CFAP58: variants seen among roughly 807,000 people sequenced by gnomAD.
The protein encoded by CFAP58 is cilia and flagella associated protein 58, also known as cilia- and flagella-associated protein 58.
Under a neutral mutation model 119.5 loss-of-function variants are expected in CFAP58, and 88 were observed. The observed-to-expected ratio is 0.74, with a 90% CI of 0.62 to 0.88. The LOEUF is 0.88. Among genes scored for constraint, CFAP58 ranks in the 40% least tolerant of loss-of-function variants. CFAP58 has a pLI of 0.00. For missense variants in CFAP58, 990 were observed against 1,021.2 expected, an observed-to-expected ratio of 0.97 and a Z score of 0.42; for synonymous variants, 365 against 366.3, an observed-to-expected ratio of 1.00 and a Z score of 0.04.
chr10:104,441,935 G>A (rs567105316), intron 15 of CFAP58, among the ~76,000 whole-genome samples: 1 of 152,208 alleles, frequency 6.6e-6, no homozygotes, highest in East Asian at 1.9e-4. Flanking sequence ...AGGGTATTAG[G>A]CATTATTTTT....
chr10:104,340,031 T>C, the CFAP58 span, among the ~76,000 whole-genome samples: 13 of 152,242 alleles, frequency 8.5e-5, no homozygotes, highest in African/African-American at 2.7e-4. Flanking sequence ...GTCTGCAAAG[T>C]TGTTTCAGCA....
intron 2 of CFAP58, among the ~76,000 whole-genome samples, chr10:104,361,532 T>C (rs553171319): frequency 6.6e-6 from 1 of 152,348 alleles, no homozygotes; most frequent in East Asian, 1.9e-4. Context: ...TGATCATTTC[T>C]CATGTGATAA....
chr10:104,443,076 C>T (rs1472956597), intron 15 of CFAP58, among the ~76,000 whole-genome samples: 1 of 151,938 alleles, frequency 6.6e-6, no homozygotes, highest in Admixed American at 6.6e-5. Context: ...ACAGCAGGTG[C>T]GAGTTATATA....
At chr10:104,360,325 G>A (rs1166064133) in intron 2 of CFAP58, among the ~76,000 whole-genome samples, 1 of 152,152 alleles carries the variant, frequency 6.6e-6, no homozygotes, top group African/African-American at 2.4e-5. Context: ...ATTGGTTCAT[G>A]GTTCTGCAGG....
intron 6 of CFAP58, among the ~76,000 whole-genome samples, chr10:104,370,442 G>A (rs1356086639): frequency 1.3e-5 from 2 of 152,194 alleles, no homozygotes; most frequent in East Asian, 1.9e-4. Flanking sequence ...ATGGCAGCAG[G>A]CAAAGGGAGA....
At chr10:104,398,305 C>T (rs2133040008) in intron 11 of CFAP58, among the ~76,000 whole-genome samples, 1 of 152,272 alleles carries the variant, frequency 6.6e-6, no homozygotes, top group South Asian at 2.1e-4. Flanking sequence ...TGGGTGGTGA[C>T]AATAGAAGGA....
intron 15 of CFAP58, among the ~76,000 whole-genome samples, chr10:104,425,061 G>A (rs552001932): frequency 6.6e-6 from 1 of 152,332 alleles, no homozygotes; most frequent in South Asian, 2.1e-4. Flanking sequence ...GAGAGGAACA[G>A]CACCTGATTC....
At chr10:104,420,777 G>A (rs1217743652) in intron 15 of CFAP58, among the ~76,000 whole-genome samples, 3 of 130,020 alleles carry the variant, frequency 2.3e-5, no homozygotes, top group Non-Finnish European at 3.1e-5. Flanking sequence ...TTTTGAGACA[G>A]CGTCTCACTC....
intron 8 of CFAP58, among the ~76,000 whole-genome samples, chr10:104,378,392 C>T (rs1316295520): frequency 6.6e-6 from 1 of 152,168 alleles, no homozygotes; most frequent in Non-Finnish European, 1.5e-5. Context: ...TACATTGTCA[C>T]CCAACCAACA....
At chr10:104,357,855 A>ATACACATATATGTACACATATG (rs1564875614) in intron 1 of CFAP58, among the ~76,000 whole-genome samples, 2 of 46,726 alleles carry the variant, frequency 4.3e-5, no homozygotes, top group Non-Finnish European at 9.6e-5. Context: ...GTACACATAT[A>ATACACATATATGTACACATATG]TACACATATA....
intron 17 of CFAP58, among the ~76,000 whole-genome samples, chr10:104,453,980 A>C (rs2013236729): frequency 6.6e-6 from 1 of 152,166 alleles, no homozygotes; most frequent in African/African-American, 2.4e-5. Context: ...AAGTTTGATG[A>C]AGATACCTTC....
chr10:104,399,562 C>G (rs1427957100), intron 12 of CFAP58, 62 bp downstream of exon 12: 1 of 1,545,794 alleles, frequency 6.5e-7, no homozygotes, highest in East Asian at 2.3e-5. Context: ...TTAATTCCAC[C>G]CTTCGAAACT....
chr10:104,445,441 T>C (rs1444527304), intron 15 of CFAP58, among the ~76,000 whole-genome samples: 1 of 152,134 alleles, frequency 6.6e-6, no homozygotes, highest in Non-Finnish European at 1.5e-5. Context: ...TCACTCTGTG[T>C]CAGAACACTG....
At chr10:104,398,816 A>G (rs1329890383) in intron 11 of CFAP58, among the ~76,000 whole-genome samples, 1 of 152,214 alleles carries the variant, frequency 6.6e-6, no homozygotes, top group Non-Finnish European at 1.5e-5. Context: ...GGATCTATAT[A>G]TCTTTTTATA....
chr10:104,414,369 C>G (rs1325729360), intron 15 of CFAP58, among the ~76,000 whole-genome samples: 1 of 152,154 alleles, frequency 6.6e-6, no homozygotes, highest in Non-Finnish European at 1.5e-5. Context: ...GAAACAGCAG[C>G]CACACAGTCG....
chr10:104,397,494 TA>T (rs1564891468), intron 11 of CFAP58, among the ~76,000 whole-genome samples: 1 of 152,220 alleles, frequency 6.6e-6, no homozygotes, highest in East Asian at 1.9e-4. Context: ...GGTGTAGAAT[TA>T]ATGACTTTTG....
At chr10:104,423,337 A>G (rs1361464811) in intron 15 of CFAP58, among the ~76,000 whole-genome samples, 1 of 152,218 alleles carries the variant, frequency 6.6e-6, no homozygotes, top group African/African-American at 2.4e-5. Flanking sequence ...TTGATAAATT[A>G]GTCTTTTAAA....
chr10:104,452,274 A>G (rs1409823457), intron 17 of CFAP58, among the ~76,000 whole-genome samples: 1 of 152,032 alleles, frequency 6.6e-6, no homozygotes, highest in Non-Finnish European at 1.5e-5. Context: ...AAATTAATAG[A>G]ATAGAAATGA....
At chr10:104,346,633 C>A in the CFAP58 span, among the ~76,000 whole-genome samples, 1 of 101,122 alleles carries the variant, frequency 9.9e-6, no homozygotes, top group Non-Finnish European at 1.9e-5. Flanking sequence ...GCCATTTAGT[C>A]TTTTTTTTTT....
Sources: gnomAD v4.1 joint callset for allele counts (sites outside exome capture counted in the v4.1 genomes callset) on GRCh38, gnomAD v4.1.1 for gene constraint, MANE v1.5 for transcripts, NCBI Gene and HGNC (gene_info 2026-07-23, HGNC 2026-07-21) for gene names.